The following GNA13 variants were observed in gnomAD, a reference collection of about 807,000 sequenced individuals.
The protein encoded by GNA13 is guanine nucleotide-binding protein subunit alpha-13.
GNA13 carries 4 observed loss-of-function variants against 33.5 expected under a neutral mutation model. The ratio of observed to expected loss-of-function variants is 0.12; its 90% CI spans 0.06 to 0.27. The LOEUF is 0.27. GNA13 is among the 10% of genes least tolerant of loss of function. The pLI is 1.00. For synonymous variants in GNA13, 176 were observed against 183.8 expected (o/e 0.96, Z 0.34); for missense variants, 319 against 487.2 (o/e 0.65, Z 3.25).
chr17:65,050,020 G>A (rs896089817), intron 2 of GNA13, among the ~76,000 whole-genome samples: 1 of 152,206 alleles, frequency 6.6e-6, no homozygotes, highest in South Asian at 2.1e-4. Context: ...AGTATGTCCA[G>A]TGGCCTAATG....
chr17:65,045,861 T>C (rs1453006618), intron 2 of GNA13, among the ~76,000 whole-genome samples: 1 of 152,172 alleles, frequency 6.6e-6, no homozygotes, highest in Non-Finnish European at 1.5e-5. Context: ...TGTTAATTAT[T>C]TGTATGTATG....
rs1343431230 is a variant in GNA13 at position 65,011,092 on chromosome 17, T to G, written c.*3165A>C. 4.8e-6 allele frequency: 1 copy of G among 206,546 alleles called. No individual in the cohort carries two copies. The highest frequency in any genetic ancestry group is 2.3e-5 in the African/African-American group (1 of 43,816). 12.8% of individuals were successfully genotyped at this position (206,546 alleles called of 1,614,324 possible). A position where few individuals can be genotyped will look rare whatever the true frequency, so the allele number is the denominator to read the frequency against. On this transcript the variant is annotated 3_prime_UTR_variant, in exon 4 of 4. Transcript: ENST00000439174. ...CAAGTATTTGGGTACACATTGAAAG[T>G]TAGGACTTAACCAATTTCTTCTTAC... is the stretch of plus-strand genomic sequence containing the variant.
At chr17:65,052,353 C>T (rs1247527268) in intron 2 of GNA13, among the ~76,000 whole-genome samples, 4 of 152,182 alleles carry the variant, frequency 2.6e-5, no homozygotes, top group Admixed American at 6.5e-5. Context: ...GGTGTTTCAC[C>T]GTGTTGGCCA....
chr17:65,031,921 A>AGAGAGAGAGAGAGAGTGTGTGTGT (rs770161529), intron 2 of GNA13, among the ~76,000 whole-genome samples: 1 of 91,624 alleles, frequency 1.1e-5, no homozygotes, highest in African/African-American at 4.9e-5. Context: ...AGAGAGAGAG[A>AGAGAGAGAGAGAGAGTGTGTGTGT]GTGTGTGTGT....
chr17:65,022,879 C>T (rs1906634747), intron 2 of GNA13, among the ~76,000 whole-genome samples: 1 of 152,242 alleles, frequency 6.6e-6, no homozygotes. Context: ...TCAGTGAGAG[C>T]AGCTGCTCAG....
chr17:65,023,075 T>G (rs528820786), intron 2 of GNA13, among the ~76,000 whole-genome samples: 4 of 152,338 alleles, frequency 2.6e-5, no homozygotes, highest in Non-Finnish European at 4.4e-5. Context: ...GTGGAAGAGC[T>G]ACGTGTGAGA....
rs1907932637 is a variant in GNA13, at chr17:65,053,595, T to C, written c.417A>G (p.Thr139=). 6.2e-7 allele frequency: 1 copy of C among 1,613,712 alleles called. No homozygotes were observed. The highest frequency in any genetic ancestry group is 8.5e-7 in the Non-Finnish European group (1 of 1,179,712). The change falls in exon 2 of 4, where the codon ACA becomes ACG. Residue 139 remains threonine, a synonymous_variant. Transcript: ENST00000439174. ...CAGGAAGATATTGTAAGAAAACCCT[T>C]GTTTCCACCATTCCTTGGGCTGCCA... ...APMAAQGMVE[T]RVFLQYLPAI...
At chr17:65,040,228 T>C (rs1037392632) in intron 2 of GNA13, among the ~76,000 whole-genome samples, 27 of 152,284 alleles carry the variant, frequency 1.8e-4, no homozygotes, top group South Asian at 1.2e-3. Context: ...CATACCATAA[T>C]TGGAAAAGTC....
At chr17:65,041,816 C>T (rs1189942573) in intron 2 of GNA13, among the ~76,000 whole-genome samples, 1 of 152,200 alleles carries the variant, frequency 6.6e-6, no homozygotes, top group Non-Finnish European at 1.5e-5. Context: ...TCTGGTACAT[C>T]TGAGGCATTT....
intron 1 of GNA13, among the ~76,000 whole-genome samples, chr17:65,054,612 G>C (rs1044736275): frequency 1.3e-5 from 2 of 152,152 alleles, no homozygotes; most frequent in Admixed American, 1.3e-4. Context: ...CGCCCAGCCT[G>C]AGAAACTGTT....
chr17:65,018,374 C>G (rs1451792276), intron 2 of GNA13, 71 bp from the exon 3 acceptor site: 1 of 829,796 alleles, frequency 1.2e-6, no homozygotes, highest in Non-Finnish European at 2.1e-6. Context: ...CAGTTTACAT[C>G]ATACTGTCTG....
intron 2 of GNA13, among the ~76,000 whole-genome samples, chr17:65,028,825 C>T (rs7216634): frequency 0.02 from 3,016 of 152,214 alleles, 108 homozygotes; most frequent in African/African-American, 0.068. Flanking sequence ...TCCACTTCCC[C>T]CACCTACACA....
chr17:65,025,751 G>A lies in GNA13; in HGVS notation c.511-7448C>T, dbSNP rs532052522. Among the ~76,000 whole-genome samples, 17 of 150,840 alleles carry A rather than the reference G, an allele frequency of 1.1e-4. No homozygotes were observed. In the East Asian group the frequency reaches 3.1e-3, roughly 28 times the overall value. ...TCCCAGCACTTTGGGAGGCTAAAGA[G>A]CAAGGATCGCCTGAGCCCAGGAGTT... On this transcript the variant is annotated intron_variant, in intron 2 of 3. Transcript: ENST00000439174.
Position 65,036,897 on chromosome 17 carries a change from C to T in GNA13, c.510+16605G>A, listed in dbSNP as rs147345640. Among the ~76,000 whole-genome samples the T allele has an allele frequency of 3.8e-3, 581 of 152,276 alleles. 4 individuals are homozygous for T. Among genetic ancestry groups the T allele is most frequent in the African/African-American group, 0.013 (545 of 41,548 alleles). On this transcript the variant is annotated intron_variant, in intron 2 of 3. Transcript: ENST00000439174. ...AACAGCTGCTAGTGCAGTAAATGAT[C>T]GCACTGATCATTTCATTTGCTCCCC...
At chr17:65,018,461 G>A (rs533838335) in intron 2 of GNA13, among the ~76,000 whole-genome samples, 158 bp from the exon 3 acceptor site, 11 of 152,238 alleles carry the variant, frequency 7.2e-5, no homozygotes, top group African/African-American at 1.4e-4. Context: ...CATATAAAAC[G>A]TCTGCTCTGT....
At chr17:65,038,544 G>T (rs1180276605) in intron 2 of GNA13, among the ~76,000 whole-genome samples, 3 of 152,140 alleles carry the variant, frequency 2.0e-5, no homozygotes, top group Non-Finnish European at 4.4e-5. Flanking sequence ...CTGAGTAGCT[G>T]GGACCACAGG....
At chr17:65,022,097 C>T (rs150948733) in intron 2 of GNA13, among the ~76,000 whole-genome samples, 45 of 152,224 alleles carry the variant, frequency 3.0e-4, no homozygotes, top group African/African-American at 9.6e-4. Flanking sequence ...TGTTTTTGTA[C>T]GGCTCATTTT....
chr17:65,032,185 C>T (rs1907072743), intron 2 of GNA13, among the ~76,000 whole-genome samples: 1 of 152,004 alleles, frequency 6.6e-6, no homozygotes, highest in South Asian at 2.1e-4. Flanking sequence ...AAATGGAAAA[C>T]TCTGGGGTTA....
At chr17:65,056,078 G>C (rs1413765195) in intron 1 of GNA13, among the ~76,000 whole-genome samples, 1 of 152,054 alleles carries the variant, frequency 6.6e-6, no homozygotes, top group Admixed American at 6.5e-5. Flanking sequence ...GACGCCCACC[G>C]GGGAGACAAG....
Sources: gnomAD v4.1 joint callset for allele counts (sites outside exome capture counted in the v4.1 genomes callset) on GRCh38, gnomAD v4.1.1 for gene constraint, MANE v1.5 for transcripts, NCBI Gene and HGNC (gene_info 2026-07-23, HGNC 2026-07-21) for gene names.